NBEA: variants seen among roughly 807,000 people sequenced by gnomAD.
NBEA encodes the protein lysosomal-trafficking regulator 2.
In NBEA, 44 loss-of-function variants were observed where a neutral mutation model predicts 343.4. The ratio of observed to expected loss-of-function variants is 0.13; its 90% CI spans 0.10 to 0.16. The LOEUF (loss-of-function observed/expected upper bound fraction) is 0.16. NBEA is among the 10% of genes least tolerant of loss of function. The pLI is 1.00. For synonymous variants in NBEA, 1,175 were observed against 1,238.7 expected (o/e 0.95, Z 1.08); for missense variants, 2,555 against 3,631.3 (o/e 0.70, Z 7.62).
chr13:35,182,820 T>C (rs571081220), intron 29 of NBEA, among the ~76,000 whole-genome samples: 2 of 152,090 alleles, frequency 1.3e-5, no homozygotes, highest in Non-Finnish European at 2.9e-5. Context: ...ACTCATATAT[T>C]GTTAAATATA....
Position 35,169,070 on chromosome 13 carries a change from CTT to C in NBEA, c.4242+76_4242+77del. On this transcript the variant is annotated intron_variant, in intron 25 of 58. Coordinates refer to ENST00000379939, the MANE Select transcript of NBEA (RefSeq NM_001385012.1). ...TTTTACTTATTTATGAAATTTTTGA[CTT>C]GGTTATATTTTGAGTTTTCATATCA... The C allele has an allele frequency of 5.8e-6, 7 of 1,199,404 alleles. No individual in the cohort carries two copies. In the South Asian group the frequency reaches 1.1e-4, roughly 20 times the overall value. The allele number at this position is 1,199,404 out of a possible 1,614,324, so 74.3% of individuals were successfully genotyped here. A position where few individuals can be genotyped will look rare whatever the true frequency, so the allele number is the denominator to read the frequency against.
chr13:35,053,474 A>G (rs2063137534), intron 6 of NBEA, among the ~76,000 whole-genome samples: 1 of 151,784 alleles, frequency 6.6e-6, no homozygotes, highest in Non-Finnish European at 1.5e-5. Flanking sequence ...TTTCTTCTCT[A>G]TTTGTCTTTC....
In NBEA at chr13:35,449,477, G is replaced by A. The variant is rs80164370; in HGVS notation, c.6305-2615G>A. 2.6e-4 allele frequency among the ~76,000 whole-genome samples: 39 copies of A among 152,326 alleles called. No homozygotes were observed. The East Asian group carries it at 7.1e-3, about 28-fold the overall frequency. The stretch of plus-strand genomic sequence containing the variant: ...AGACAATTAGCTCAGTAAGAGAAAT[G>A]TTCAGTTAATAGTATTCAGGCAAAG... On this transcript the variant is annotated intron_variant, in intron 39 of 58. Transcript: ENST00000379939.
chr13:35,475,976 A>G (rs775199428), intron 41 of NBEA: 1 of 1,614,104 alleles, frequency 6.2e-7, no homozygotes, highest in Non-Finnish European at 8.5e-7. Context: ...TCGTTGAGAG[A>G]GCTGATGAAC....
At chr13:35,664,796 A>G (rs1028415352) in intron 55 of NBEA, among the ~76,000 whole-genome samples, 1 of 152,268 alleles carries the variant, frequency 6.6e-6, no homozygotes. Flanking sequence ...TACCTGTTTC[A>G]TAACAATAAT....
intron 39 of NBEA, among the ~76,000 whole-genome samples, chr13:35,437,192 T>C (rs961393356): frequency 1.3e-5 from 2 of 152,162 alleles, no homozygotes; most frequent in Non-Finnish European, 2.9e-5. Context: ...TTTCATGTGA[T>C]GGGAAGGAAC....
chr13:35,269,246 T>C (rs554437419), intron 34 of NBEA, among the ~76,000 whole-genome samples: 31 of 152,272 alleles, frequency 2.0e-4, no homozygotes, highest in African/African-American at 7.2e-4. Context: ...TTTTAGTCGA[T>C]GCAGAAAATG....
chr13:35,463,983 CAGTT>C (rs1381644276), intron 40 of NBEA, among the ~76,000 whole-genome samples: 4 of 151,934 alleles, frequency 2.6e-5, no homozygotes, highest in African/African-American at 7.2e-5. Flanking sequence ...CAGACAGAGA[CAGTT>C]AGGGATAAAT....
chr13:35,451,263 A>G (rs2046298072), intron 39 of NBEA, among the ~76,000 whole-genome samples: 1 of 152,114 alleles, frequency 6.6e-6, no homozygotes, highest in Admixed American at 6.5e-5. Flanking sequence ...AGCTGGGACC[A>G]CAGGCTTTTG....
At chr13:35,618,531 C>CACTGAAGA (rs71081271) in intron 48 of NBEA, among the ~76,000 whole-genome samples, 71,160 of 151,344 alleles carry the variant, frequency 0.47, 17,229 homozygotes, top group African/African-American at 0.58. Context: ...AGTTATGTTT[C>CACTGAAGA]GCTGTGAAAT....
chr13:35,288,653 T>C (rs576356285), intron 34 of NBEA, among the ~76,000 whole-genome samples: 1 of 152,084 alleles, frequency 6.6e-6, no homozygotes, highest in South Asian at 2.1e-4. Context: ...TTTTAAAAAT[T>C]GGTTTCTGAG....
At chr13:34,980,240 A>T (rs1044500804) in intron 1 of NBEA, among the ~76,000 whole-genome samples, 6 of 151,700 alleles carry the variant, frequency 4.0e-5, no homozygotes, top group African/African-American at 1.5e-4. Flanking sequence ...ATCAATTGTC[A>T]GTTTCTAGCA....
At chr13:35,152,528 G>T (rs2068859052) in intron 18 of NBEA, among the ~76,000 whole-genome samples, 1 of 152,110 alleles carries the variant, frequency 6.6e-6, no homozygotes, top group Non-Finnish European at 1.5e-5. Flanking sequence ...TATGCATGAT[G>T]AAGCTGGGGA....
At chr13:35,369,905 A>C (rs1379859765) in intron 38 of NBEA, among the ~76,000 whole-genome samples, 1 of 151,984 alleles carries the variant, frequency 6.6e-6, no homozygotes, top group Non-Finnish European at 1.5e-5. Context: ...TGATGAAAAT[A>C]GTCATCCTTG....
chr13:35,160,810 C>A (rs984306931), intron 22 of NBEA, among the ~76,000 whole-genome samples: 1 of 152,064 alleles, frequency 6.6e-6, no homozygotes, highest in South Asian at 2.1e-4. Context: ...ATGACTGTTT[C>A]TTTATTTTCT....
intron 34 of NBEA, among the ~76,000 whole-genome samples, chr13:35,239,218 A>G (rs1429196558): frequency 1.3e-5 from 2 of 152,234 alleles, no homozygotes; most frequent in Middle Eastern, 3.4e-3. Context: ...CAACAAAACT[A>G]GGTGACAGGT....
intron 1 of NBEA, among the ~76,000 whole-genome samples, chr13:35,004,044 CT>C (rs2152526687): frequency 6.6e-6 from 1 of 152,190 alleles, no homozygotes; most frequent in Admixed American, 6.5e-5. Flanking sequence ...TTTTATGTTC[CT>C]GTGTTAGTTT....
At chr13:35,468,918 G>A (rs958517193) in intron 40 of NBEA, among the ~76,000 whole-genome samples, 7 of 151,854 alleles carry the variant, frequency 4.6e-5, no homozygotes, top group African/African-American at 1.7e-4. Context: ...GGCCAACATG[G>A]TGAATCCCTG....
chr13:35,574,313 A>G (rs1477349711), intron 45 of NBEA, among the ~76,000 whole-genome samples: 3 of 148,458 alleles, frequency 2.0e-5, no homozygotes, highest in Admixed American at 6.8e-5. Context: ...AAAAAAAGCT[A>G]GTGATTAATT....
Sources: allele counts gnomAD v4.1 joint callset (sites outside exome capture counted in the v4.1 genomes callset), GRCh38; gene constraint gnomAD v4.1.1; transcripts MANE v1.5; gene names NCBI Gene and HGNC (gene_info 2026-07-23, HGNC 2026-07-21).